The following CCDC7 variants were observed in gnomAD, a reference collection of about 807,000 sequenced individuals.
CCDC7 encodes the protein coiled-coil domain containing 7, also known as coiled-coil domain-containing protein 7.
In CCDC7, 183 loss-of-function variants were observed where a neutral mutation model predicts 196.9. The ratio of observed to expected loss-of-function variants is 0.93; its 90% CI spans 0.82 to 1.05. CCDC7 has a LOEUF of 1.05. Among genes scored for constraint, CCDC7 ranks in the 50% least tolerant of loss-of-function variants. The pLI, the probability that CCDC7 is intolerant of heterozygous loss-of-function variation, is 0.00. For missense variants in CCDC7, 1,540 were observed against 1,482.2 expected (o/e 1.04, Z -0.64); for synonymous variants, 525 against 484.6 (o/e 1.08, Z -1.10).
intron 2 of CCDC7, 81 bp downstream of exon 3, chr10:32,453,517 T>C: frequency 1.0e-6 from 1 of 988,274 alleles, no homozygotes; most frequent in East Asian, 3.7e-5. Flanking sequence ...ATTTAAAATA[T>C]TTTCTTTTGG....
intron 33 of CCDC7, among the ~76,000 whole-genome samples, chr10:32,843,415 G>C (rs1217096973): frequency 1.3e-5 from 2 of 151,958 alleles, no homozygotes; most frequent in African/African-American, 4.8e-5. Flanking sequence ...AACTCAAGTA[G>C]AATCTAAAAT....
chr10:32,614,031 A>G (rs1422585769), intron 18 of CCDC7, among the ~76,000 whole-genome samples: 1 of 152,084 alleles, frequency 6.6e-6, no homozygotes, highest in Admixed American at 6.6e-5. Flanking sequence ...CTATTATTGT[A>G]TGGGAGTCTA....
intron 13 of CCDC7, among the ~76,000 whole-genome samples, chr10:32,559,115 A>T (rs1309544748): frequency 6.6e-6 from 1 of 151,666 alleles, no homozygotes; most frequent in African/African-American, 2.4e-5. Flanking sequence ...AGGCTGGGGG[A>T]GGGGCGCCCG....
chr10:32,795,398 G>A (rs759628085), intron 29 of CCDC7, among the ~76,000 whole-genome samples: 9 of 152,012 alleles, frequency 5.9e-5, no homozygotes, highest in African/African-American at 9.7e-5. Flanking sequence ...ATTTCTCAGC[G>A]CCAAGATTTG....
chr10:32,814,523 G>A, intron 31 of CCDC7, 70 bp downstream of exon 32: 5 of 1,095,656 alleles, frequency 4.6e-6, no homozygotes, highest in East Asian at 2.4e-5. Context: ...AACTAAGTGT[G>A]CATCTTTAAG....
At chr10:32,654,814 A>T (rs1328829824) in intron 20 of CCDC7, among the ~76,000 whole-genome samples, 1 of 152,058 alleles carries the variant, frequency 6.6e-6, no homozygotes, top group African/African-American at 2.4e-5. Flanking sequence ...ACAGCCCTAC[A>T]TATGTGTTTT....
chr10:32,511,056 A>G (rs2046031733), intron 9 of CCDC7, among the ~76,000 whole-genome samples: 1 of 150,328 alleles, frequency 6.7e-6, no homozygotes, highest in Non-Finnish European at 1.5e-5. Context: ...AGACTGACCT[A>G]TATAAAGAAA....
At chr10:32,797,215 A>T (rs1293113721) in intron 29 of CCDC7, among the ~76,000 whole-genome samples, 1 of 134,240 alleles carries the variant, frequency 7.4e-6, no homozygotes, top group Non-Finnish European at 1.7e-5. Flanking sequence ...ACACATATAC[A>T]CACACACATA....
chr10:32,573,258 G>A (rs1454256538), intron 16 of CCDC7, among the ~76,000 whole-genome samples: 1 of 152,176 alleles, frequency 6.6e-6, no homozygotes, highest in Non-Finnish European at 1.5e-5. Context: ...GTGACGTATA[G>A]CCTTTGAAAA....
At chr10:32,443,899 A>T (rs953869106), upstream of CCDC7, among the ~76,000 whole-genome samples, 1 of 152,222 alleles carries the variant, frequency 6.6e-6, no homozygotes, top group Admixed American at 6.5e-5. Context: ...AGACTTAAAA[A>T]GTTGACATTT....
intron 21 of CCDC7, among the ~76,000 whole-genome samples, chr10:32,680,427 CT>C (rs34351891): frequency 0.35 from 51,677 of 148,812 alleles, 11,144 homozygotes; most frequent in Non-Finnish European, 0.49. Flanking sequence ...TATGTTCTTT[CT>C]TTTTTTTTTT....
intron 9 of CCDC7, among the ~76,000 whole-genome samples, chr10:32,493,603 A>C (rs1168923599): frequency 6.6e-6 from 1 of 151,792 alleles, no homozygotes; most frequent in African/African-American, 2.4e-5. Flanking sequence ...ATCTTTTTTG[A>C]AGAATCTCCA....
chr10:32,594,281 A>T (rs2060085727), intron 18 of CCDC7, among the ~76,000 whole-genome samples: 1 of 152,142 alleles, frequency 6.6e-6, no homozygotes, highest in Non-Finnish European at 1.5e-5. Flanking sequence ...TGTAAGTTGT[A>T]TTCCTAGGTA....
chr10:32,824,991 C>G (rs944284334), intron 32 of CCDC7, among the ~76,000 whole-genome samples: 4 of 152,200 alleles, frequency 2.6e-5, no homozygotes, highest in African/African-American at 9.7e-5. Context: ...TACCCATTCC[C>G]TCTCATATCG....
At chr10:32,592,563 A>AT (rs1457799776) in intron 18 of CCDC7, among the ~76,000 whole-genome samples, 5 of 151,806 alleles carry the variant, frequency 3.3e-5, no homozygotes, top group African/African-American at 1.2e-4. Flanking sequence ...ATATTTTTTA[A>AT]TTTTACTTTA....
intron 11 of CCDC7, among the ~76,000 whole-genome samples, chr10:32,519,556 C>T (rs529509094): frequency 3.1e-4 from 46 of 149,894 alleles, no homozygotes; most frequent in African/African-American, 9.4e-4. Context: ...AGGTTAGACT[C>T]TTACCCATTC....
At chr10:32,636,799 G>C (rs1261548393) in intron 20 of CCDC7, among the ~76,000 whole-genome samples, 1 of 152,178 alleles carries the variant, frequency 6.6e-6, no homozygotes, top group African/African-American at 2.4e-5. Context: ...CTGAAGAATC[G>C]CCACACAGAC....
intron 21 of CCDC7, among the ~76,000 whole-genome samples, chr10:32,679,612 C>T (rs187488775): frequency 1.3e-5 from 2 of 152,272 alleles, no homozygotes; most frequent in East Asian, 3.9e-4. Flanking sequence ...ACAACATTCC[C>T]CTTACAGATA....
At chr10:32,871,554 C>G (rs1316075613) in intron 41 of CCDC7, among the ~76,000 whole-genome samples, 1 of 150,876 alleles carries the variant, frequency 6.6e-6, no homozygotes, top group Non-Finnish European at 1.5e-5. Context: ...AAAACCAGCT[C>G]CTGGATTCAT....
Sources: allele counts gnomAD v4.1 joint callset (sites outside exome capture counted in the v4.1 genomes callset), GRCh38; gene constraint gnomAD v4.1.1; transcripts MANE v1.5; gene names NCBI Gene and HGNC (gene_info 2026-07-23, HGNC 2026-07-21).